Variants in ATOSA observed in about 807,000 individuals in gnomAD.
ATOSA encodes atos homolog protein A.
the ATOSA span, among the ~76,000 whole-genome samples, chr15:52,682,898 T>C: frequency 6.6e-6 from 1 of 152,222 alleles, no homozygotes; most frequent in Non-Finnish European, 1.5e-5. Context: ...TGCTAAGGCA[T>C]TGGCTTCTGT....
chr15:52,650,519 A>G, the ATOSA span, among the ~76,000 whole-genome samples: 3 of 152,310 alleles, frequency 2.0e-5, no homozygotes, highest in East Asian at 5.8e-4. Context: ...TATACATAGT[A>G]TTGTTACAAA....
the ATOSA span, chr15:52,613,871 G>C: frequency 1.4e-5 from 22 of 1,608,722 alleles, no homozygotes; most frequent in South Asian, 2.1e-4. Flanking sequence ...ATATAAAAAA[G>C]GGGCAAAGGG....
chr15:52,630,498 CAT>C, the ATOSA span, among the ~76,000 whole-genome samples: 1 of 152,140 alleles, frequency 6.6e-6, no homozygotes, highest in African/African-American at 2.4e-5. Context: ...ACTACAATTA[CAT>C]ATGATTTCAC....
the ATOSA span, among the ~76,000 whole-genome samples, chr15:52,636,545 T>C: frequency 2.0e-5 from 3 of 152,204 alleles, no homozygotes; most frequent in Non-Finnish European, 4.4e-5. Context: ...AAGGCTCACA[T>C]AGAGGCCATG....
At chr15:52,600,085 G>A in the ATOSA span, 1 of 1,007,610 alleles carries the variant, frequency 9.9e-7, no homozygotes, top group Non-Finnish European at 1.5e-6. Flanking sequence ...AGAACCTAGG[G>A]TATAAAATTT....
At chr15:52,627,250 T>C in the ATOSA span, among the ~76,000 whole-genome samples, 2 of 152,054 alleles carry the variant, frequency 1.3e-5, no homozygotes, top group South Asian at 2.1e-4. Flanking sequence ...AATTTAAGAG[T>C]ACCCTGTCAC....
chr15:52,610,151 C>T, the ATOSA span: 3 of 1,613,990 alleles, frequency 1.9e-6, no homozygotes, highest in Non-Finnish European at 2.5e-6. Flanking sequence ...TGTTCTGCTT[C>T]ATTTGGGTTA....
chr15:52,611,106 CT>C, the ATOSA span: 933 of 1,545,022 alleles, frequency 6.0e-4, no homozygotes, highest in Admixed American at 2.2e-3. Flanking sequence ...ACGCACTGTC[CT>C]TTTTTTTTGG....
the ATOSA span, among the ~76,000 whole-genome samples, chr15:52,584,457 A>G: frequency 6.6e-6 from 1 of 152,136 alleles, no homozygotes; most frequent in Admixed American, 6.5e-5. Flanking sequence ...ACATTTTTAA[A>G]TAGTATTCGT....
the ATOSA span, chr15:52,608,485 T>A: frequency 7.2e-7 from 1 of 1,397,808 alleles, no homozygotes; most frequent in Non-Finnish European, 9.6e-7. Context: ...ACCTTGGGCC[T>A]TTATAACCAG....
chr15:52,614,573 C>T, the ATOSA span, among the ~76,000 whole-genome samples: 65 of 151,856 alleles, frequency 4.3e-4, no homozygotes, highest in Admixed American at 3.9e-3. Context: ...TCGGGCCGGG[C>T]GTGGTGGCTC....
the ATOSA span, among the ~76,000 whole-genome samples, chr15:52,628,762 A>G: frequency 6.6e-6 from 1 of 152,220 alleles, no homozygotes; most frequent in Admixed American, 6.5e-5. Context: ...CTTCCATTAA[A>G]ATAATTTTAA....
chr15:52,652,495 C>A, the ATOSA span, among the ~76,000 whole-genome samples: 1 of 152,056 alleles, frequency 6.6e-6, no homozygotes, highest in Non-Finnish European at 1.5e-5. Flanking sequence ...CCTTCATATA[C>A]CTGGAACTTT....
At chr15:52,589,526 A>G in the ATOSA span, among the ~76,000 whole-genome samples, 1 of 139,498 alleles carries the variant, frequency 7.2e-6, no homozygotes, top group Non-Finnish European at 1.6e-5. Flanking sequence ...AGAACACAGT[A>G]ACTAAATCAA....
At chr15:52,613,718 A>G in the ATOSA span, 1 of 1,613,946 alleles carries the variant, frequency 6.2e-7, no homozygotes, top group South Asian at 1.1e-5. Context: ...TTACTGGGTA[A>G]CAAGACTGTG....
chr15:52,640,545 T>C, the ATOSA span, among the ~76,000 whole-genome samples: 3 of 100,528 alleles, frequency 3.0e-5, no homozygotes, highest in African/African-American at 1.2e-4. Context: ...AACTCCAGCC[T>C]GAGCAACAGA....
the ATOSA span, among the ~76,000 whole-genome samples, chr15:52,700,981 A>G: frequency 6.6e-6 from 1 of 152,220 alleles, no homozygotes; most frequent in African/African-American, 2.4e-5. Context: ...GGAGCTAGAC[A>G]GGTTGATAAA....
At chr15:52,702,739 T>C in the ATOSA span, among the ~76,000 whole-genome samples, 1 of 140,730 alleles carries the variant, frequency 7.1e-6, no homozygotes, top group East Asian at 2.1e-4. Flanking sequence ...AACCTGTACA[T>C]GTATCCCCTG....
chr15:52,598,794 A>G, the ATOSA span: 136,733 of 152,234 alleles, frequency 0.9, 61,462 homozygotes, highest in East Asian at 1. Context: ...AATCCCCAAA[A>G]TTGAAGGTGG....
Sources: gnomAD v4.1 joint callset for allele counts (sites outside exome capture counted in the v4.1 genomes callset) on GRCh38, gnomAD v4.1.1 for gene constraint, MANE v1.5 for transcripts, NCBI Gene and HGNC (gene_info 2026-07-23, HGNC 2026-07-21) for gene names.